The following ANO4 variants were observed in gnomAD, a reference collection of about 807,000 sequenced individuals.
ANO4 encodes the protein anoctamin-4.
In ANO4, 69 loss-of-function variants were observed where a neutral mutation model predicts 141.9. The observed-to-expected ratio is 0.49, with a 90% CI of 0.40 to 0.59. The LOEUF (loss-of-function observed/expected upper bound fraction) is 0.59. ANO4 is among the 20% of genes least tolerant of loss of function. The probability of loss-of-function intolerance (pLI) is 0.00; values close to 1 mark genes in which losing one functional copy is unlikely to be tolerated. For missense variants in ANO4, 894 were observed against 1,162.2 expected (o/e 0.77, Z 3.36); for synonymous variants, 350 against 394.3 (o/e 0.89, Z 1.33).
At chr12:101,005,203 C>A (rs1457561760) in intron 8 of ANO4, among the ~76,000 whole-genome samples, 1 of 152,084 alleles carries the variant, frequency 6.6e-6, no homozygotes, top group Non-Finnish European at 1.5e-5. Flanking sequence ...ACAGTAGTGC[C>A]CTAATTAGTG....
intron 1 of ANO4, among the ~76,000 whole-genome samples, chr12:100,797,145 T>TATAC (rs566992801): frequency 5.9e-5 from 9 of 151,632 alleles, no homozygotes; most frequent in Non-Finnish European, 8.8e-5. Flanking sequence ...TATATATATA[T>TATAC]ACACACATAT....
At chr12:100,728,811 T>C (rs1242593822) in intron 1 of ANO4, among the ~76,000 whole-genome samples, 1 of 152,134 alleles carries the variant, frequency 6.6e-6, no homozygotes, top group Admixed American at 6.5e-5. Flanking sequence ...TCTATTTCTT[T>C]AAAAAAGTTA....
Position 101,017,630 on chromosome 12 carries a change from G to A in ANO4, c.735-2404G>A, listed in dbSNP as rs191561333. On this transcript the variant is annotated intron_variant, in intron 8 of 27. Transcript: ENST00000392977. ...AAGTAGCTGGCAGACAGAGGCAAGC[G>A]AGCAAACAGAGTCACCACAGGGGTA... 2.8e-4 allele frequency among the ~76,000 whole-genome samples: 43 copies of A among 152,276 alleles called. 1 individual carries two copies. The highest frequency in any genetic ancestry group is 8.9e-4 in the African/African-American group (37 of 41,534).
At chr12:100,796,626 CAA>C (rs201100078) in intron 1 of ANO4, among the ~76,000 whole-genome samples, 6 of 134,518 alleles carry the variant, frequency 4.5e-5, no homozygotes, top group Admixed American at 1.5e-4. Context: ...AGGTTAACAG[CAA>C]AAAAAAAAAA....
intron 3 of ANO4, among the ~76,000 whole-genome samples, chr12:100,769,769 A>G (rs1352271058): frequency 6.6e-6 from 1 of 152,184 alleles, no homozygotes; most frequent in East Asian, 1.9e-4. Context: ...GAGCTGCATT[A>G]AGTTGCTTGA....
intron 1 of ANO4, among the ~76,000 whole-genome samples, chr12:100,890,798 A>T (rs943726546): frequency 3.3e-5 from 5 of 152,116 alleles, no homozygotes; most frequent in Non-Finnish European, 4.4e-5. Flanking sequence ...ACACATCATC[A>T]CCCAGAGTCC....
rs184675520 is a variant in ANO4 at position 100,881,543 on chromosome 12, T to C, written c.-140-20103T>C. Reference sequence around the variant, plus strand: ...TCATTTAGGTTTTTCCATTAAGCCTTAGCCATGGATTGTGATGGTATCTGG... The same window carrying C: ...TCATTTAGGTTTTTCCATTAAGCCTCAGCCATGGATTGTGATGGTATCTGG... On this transcript the variant is annotated intron_variant, in intron 1 of 27. Coordinates refer to ENST00000392977, the MANE Select transcript of ANO4 (RefSeq NM_001286615.2). 1.1e-4 allele frequency among the ~76,000 whole-genome samples: 16 copies of C among 152,266 alleles called. No homozygotes were observed. The South Asian group carries it at 1.9e-3, about 18-fold the overall frequency.
intron 1 of ANO4, among the ~76,000 whole-genome samples, chr12:100,835,179 G>A (rs2036841082): frequency 6.6e-6 from 1 of 152,172 alleles, no homozygotes; most frequent in South Asian, 2.1e-4. Context: ...GGATGGGCCT[G>A]GTTAGATCTC....
intron 1 of ANO4, among the ~76,000 whole-genome samples, chr12:100,898,947 G>C (rs1478600053): frequency 2.6e-5 from 4 of 152,090 alleles, no homozygotes; most frequent in Non-Finnish European, 5.9e-5. Flanking sequence ...GGTTCAGTTT[G>C]TACCTCCGTG....
At chr12:100,945,935 G>C (rs1033966099) in intron 5 of ANO4, among the ~76,000 whole-genome samples, 6 of 152,130 alleles carry the variant, frequency 3.9e-5, no homozygotes, top group Admixed American at 3.3e-4. Context: ...TCCCTGCTTT[G>C]TTGGAACTTA....
chr12:101,003,164 G>A (rs940974928), intron 8 of ANO4, among the ~76,000 whole-genome samples: 2 of 152,242 alleles, frequency 1.3e-5, no homozygotes, highest in Non-Finnish European at 1.5e-5. Flanking sequence ...GCTGGGTTCT[G>A]ATACAACAAA....
At chr12:101,086,188 G>A (rs2049492622) in intron 16 of ANO4, among the ~76,000 whole-genome samples, 1 of 151,502 alleles carries the variant, frequency 6.6e-6, no homozygotes, top group Admixed American at 6.6e-5. Flanking sequence ...AATTAAGGGT[G>A]CTTAGCCCGT....
intron 3 of ANO4, among the ~76,000 whole-genome samples, chr12:100,772,600 AATTG>A (rs1348646641): frequency 6.6e-6 from 1 of 152,158 alleles, no homozygotes; most frequent in African/African-American, 2.4e-5. Context: ...AGATGCTGCT[AATTG>A]ATTGCAAAAT....
In ANO4 at chr12:100,807,194, G is replaced by A. The variant is rs76908616; in HGVS notation, c.-141+12167G>A. On this transcript the variant is annotated intron_variant, in intron 1 of 27. Coordinates refer to ENST00000392977, the MANE Select transcript of ANO4 (RefSeq NM_001286615.2). ...TCTCCAAACATTTCAGGCACGATGT[G>A]TCTTTTCCTTGCTGGCTAGGTGGTG... Among the ~76,000 whole-genome samples the A allele has an allele frequency of 4.6e-3, 693 of 152,286 alleles. 8 individuals are homozygous for A. The highest frequency in any genetic ancestry group is 0.016 in the African/African-American group (664 of 41,556).
chr12:100,819,934 G>T (rs1280563452), intron 1 of ANO4, among the ~76,000 whole-genome samples: 2 of 151,840 alleles, frequency 1.3e-5, no homozygotes, highest in Non-Finnish European at 2.9e-5. Flanking sequence ...CCCAAATCAA[G>T]TTCCTTAGTT....
At chr12:101,044,800 G>A (rs1435024517) in intron 13 of ANO4, among the ~76,000 whole-genome samples, 1 of 152,162 alleles carries the variant, frequency 6.6e-6, no homozygotes, top group African/African-American at 2.4e-5. Context: ...AAAATGCTCT[G>A]AGCCCTATCT....
At chr12:100,885,455 GT>G (rs1452883142) in intron 1 of ANO4, 1 of 152,226 alleles carries the variant, frequency 6.6e-6, no homozygotes, top group African/African-American at 2.4e-5. Context: ...TTAGCATGCA[GT>G]CCAGTGGACC....
intron 3 of ANO4, among the ~76,000 whole-genome samples, chr12:100,922,575 G>A (rs2041678878): frequency 6.6e-6 from 1 of 152,084 alleles, no homozygotes; most frequent in African/African-American, 2.4e-5. Flanking sequence ...GATCAATTCT[G>A]TATATTGTAT....
chr12:101,110,666 T>A, intron 23 of ANO4, 110 bp downstream of exon 23: 1 of 1,003,208 alleles, frequency 1.0e-6, no homozygotes. Context: ...TTAATATAAT[T>A]CACCTAATTT....
Sources: allele counts gnomAD v4.1 joint callset (sites outside exome capture counted in the v4.1 genomes callset), GRCh38; gene constraint gnomAD v4.1.1; transcripts MANE v1.5; gene names NCBI Gene and HGNC (gene_info 2026-07-23, HGNC 2026-07-21).